DLC1: variants seen among roughly 807,000 people sequenced by gnomAD.
DLC1 encodes DLC1 Rho GTPase activating protein, also known as rho GTPase-activating protein 7.
A neutral mutation model predicts 140.3 loss-of-function variants in DLC1; 54 were observed. The ratio of observed to expected loss-of-function variants is 0.38; its 90% CI spans 0.31 to 0.48. The LOEUF (loss-of-function observed/expected upper bound fraction) is 0.48. Ranked by LOEUF, DLC1 falls within the 20% of genes least tolerant of loss-of-function variation. The probability of loss-of-function intolerance (pLI) is 0.96; values close to 1 mark genes in which losing one functional copy is unlikely to be tolerated. For missense variants in DLC1, 2,536 were observed against 1,907.0 expected, an observed-to-expected ratio of 1.33 and a Z score of -6.14; for synonymous variants, 986 against 728.1, an observed-to-expected ratio of 1.35 and a Z score of -5.70.
At chr8:13,569,122 A>G (rs1418048491) in intron 1 of DLC1, among the ~76,000 whole-genome samples, 3 of 152,324 alleles carry the variant, frequency 2.0e-5, no homozygotes, top group African/African-American at 7.2e-5. Context: ...TTGAAAACAC[A>G]TTTATGGAGA....
At chr8:13,170,729 CAAAAAAA>C (rs1179460110) in intron 5 of DLC1, among the ~76,000 whole-genome samples, 2 of 63,148 alleles carry the variant, frequency 3.2e-5, no homozygotes, top group Non-Finnish European at 6.0e-5. Flanking sequence ...GACTCCATCT[CAAAAAAA>C]AAAAAAAAAA....
chr8:13,209,973 G>A (rs144397902), intron 5 of DLC1, among the ~76,000 whole-genome samples: 5 of 152,232 alleles, frequency 3.3e-5, no homozygotes, highest in Admixed American at 6.5e-5. Context: ...TATGAGAATG[G>A]CAAGTCTAGG....
chr8:13,098,357 T>A lies in DLC1; in HGVS notation c.3167+42A>T, dbSNP rs552112445. ...ACAACCTCAAGGAACTGACCAAAAA[T>A]ATCATTTTCAACGACAGTTGACTGA... On this transcript the variant is annotated intron_variant, in intron 10 of 17. Coordinates refer to ENST00000276297, the MANE Select transcript of DLC1 (RefSeq NM_182643.3). The A allele has an allele frequency of 3.7e-6, 6 of 1,606,854 alleles. No individual in the cohort carries two copies. In the African/African-American group the frequency reaches 8.0e-5, roughly 21 times the overall value.
chr8:13,395,038 T>G (rs1563311674), intron 3 of DLC1, among the ~76,000 whole-genome samples: 2 of 150,796 alleles, frequency 1.3e-5, no homozygotes, highest in African/African-American at 4.9e-5. Flanking sequence ...ATCTATCATC[T>G]ATCTATCTAT....
intron 2 of DLC1, among the ~76,000 whole-genome samples, chr8:13,443,352 A>G (rs993338933): frequency 1.3e-5 from 2 of 151,332 alleles, no homozygotes; most frequent in African/African-American, 2.4e-5. Context: ...TTAAAAAAAA[A>G]AAAAAAAAAA....
chr8:13,126,542 G>T (rs528458749), intron 5 of DLC1, among the ~76,000 whole-genome samples: 1 of 152,116 alleles, frequency 6.6e-6, no homozygotes, highest in African/African-American at 2.4e-5. Flanking sequence ...AGAAAGAAAA[G>T]TATCTAATTA....
At chr8:13,274,060 C>T (rs190989266) in intron 5 of DLC1, among the ~76,000 whole-genome samples, 6 of 152,246 alleles carry the variant, frequency 3.9e-5, no homozygotes, top group Admixed American at 2.0e-4. Context: ...ATTCTGCACA[C>T]GAAGGCAAGG....
At chr8:13,545,543 C>T (rs1032707031) in intron 1 of DLC1, among the ~76,000 whole-genome samples, 1 of 152,036 alleles carries the variant, frequency 6.6e-6, no homozygotes, top group African/African-American at 2.4e-5. Flanking sequence ...TTCTTATTCT[C>T]TGCTCAGTCA....
chr8:13,478,151 A>G (rs1800522638), intron 2 of DLC1, among the ~76,000 whole-genome samples: 1 of 152,216 alleles, frequency 6.6e-6, no homozygotes, highest in African/African-American at 2.4e-5. Context: ...TACAGGAAGC[A>G]TGGTATAGGC....
intron 2 of DLC1, among the ~76,000 whole-genome samples, chr8:13,430,096 T>C (rs972435646): frequency 1.3e-5 from 2 of 152,164 alleles, no homozygotes; most frequent in African/African-American, 2.4e-5. Context: ...GAATGGTATA[T>C]AGGCATCAGT....
intron 5 of DLC1, among the ~76,000 whole-genome samples, chr8:13,139,824 G>T (rs551326360): frequency 6.6e-6 from 1 of 152,306 alleles, no homozygotes; most frequent in African/African-American, 2.4e-5. Context: ...AAAACATTGT[G>T]ATCACTTTTT....
chr8:13,547,387 C>G (rs980215096), intron 1 of DLC1, among the ~76,000 whole-genome samples: 1 of 151,974 alleles, frequency 6.6e-6, no homozygotes, highest in Non-Finnish European at 1.5e-5. Flanking sequence ...GAGGGCCACT[C>G]ATATCACGAA....
At chr8:13,521,470 A>G (rs898874792) in intron 1 of DLC1, among the ~76,000 whole-genome samples, 2 of 151,642 alleles carry the variant, frequency 1.3e-5, no homozygotes, top group Non-Finnish European at 2.9e-5. Flanking sequence ...AGCTTCTCTT[A>G]TAAGTCTTTC....
intron 5 of DLC1, among the ~76,000 whole-genome samples, chr8:13,204,895 G>T (rs1563162918): frequency 1.3e-5 from 2 of 152,170 alleles, no homozygotes; most frequent in South Asian, 4.1e-4. Context: ...TGGAAAGAAA[G>T]CTTTTCAATC....
chr8:13,411,568 T>G (rs1241924964), intron 2 of DLC1, among the ~76,000 whole-genome samples: 1 of 152,222 alleles, frequency 6.6e-6, no homozygotes, highest in African/African-American at 2.4e-5. Context: ...CATGTCATTG[T>G]AGAGTCATTG....
At chr8:13,567,650 C>T (rs1200410819) in intron 1 of DLC1, 2 of 1,551,582 alleles carry the variant, frequency 1.3e-6, no homozygotes, top group African/African-American at 2.7e-5. Flanking sequence ...CAAAAGAAGA[C>T]TTTACTGGAG....
At chr8:13,354,305 T>A (rs1319157585) in intron 4 of DLC1, among the ~76,000 whole-genome samples, 1 of 152,166 alleles carries the variant, frequency 6.6e-6, no homozygotes, top group African/African-American at 2.4e-5. Flanking sequence ...TAATATACTT[T>A]ATTGTCTGTG....
chr8:13,229,249 G>A (rs544162344), intron 5 of DLC1, among the ~76,000 whole-genome samples: 43 of 152,252 alleles, frequency 2.8e-4, no homozygotes, highest in Non-Finnish European at 4.9e-4. Flanking sequence ...AATATCATTT[G>A]GCAGTACAAA....
rs1326999237 is a variant in DLC1 at position 13,579,450 on chromosome 8, T to G, written c.-126+25087A>C. ...TATATTTAATACATTATATTTTATA[T>G]TATATATTTAATACATTATATTTTA... is the stretch of plus-strand genomic sequence containing the variant. On this transcript the variant is annotated intron_variant, in intron 1 of 1. Coordinates refer to the DLC1 transcript ENST00000631382. 1.8e-4 allele frequency among the ~76,000 whole-genome samples: 14 copies of G among 79,582 alleles called. 1 individual carries two copies. The highest frequency in any genetic ancestry group is 1.5e-3 in the South Asian group (4 of 2,622). 52.2% of individuals were successfully genotyped at this position (79,582 alleles called of 152,430 possible). A position where few individuals can be genotyped will look rare whatever the true frequency, so the allele number is the denominator to read the frequency against.
Sources: allele counts gnomAD v4.1 joint callset (sites outside exome capture counted in the v4.1 genomes callset), GRCh38; gene constraint gnomAD v4.1.1; transcripts MANE v1.5; gene names NCBI Gene and HGNC (gene_info 2026-07-23, HGNC 2026-07-21).